PHACTR1: variants seen among roughly 807,000 people sequenced by gnomAD.
PHACTR1 encodes RPEL repeat containing 1.
In PHACTR1, 16 loss-of-function variants were observed where a neutral mutation model predicts 69.2. The ratio of observed to expected loss-of-function variants is 0.23; its 90% CI spans 0.16 to 0.35. PHACTR1 has a LOEUF of 0.35. Ranked by LOEUF, PHACTR1 falls within the 10% of genes least tolerant of loss-of-function variation. PHACTR1 has a pLI of 1.00. For missense variants in PHACTR1, 510 were observed against 734.7 expected (o/e 0.69, Z 3.54); for synonymous variants, 312 against 284.5 (o/e 1.10, Z -0.97).
rs1460051841 is a variant in PHACTR1, at chr6:13,245,094, G to T, written c.1391+14901G>T. Among the ~76,000 whole-genome samples, 1 of 152,212 alleles carries T rather than the reference G, an allele frequency of 6.6e-6. No individual in the cohort carries two copies. The highest frequency in any genetic ancestry group is 2.4e-5 in the African/African-American group (1 of 41,442). Reference sequence around the variant, plus strand: ...CCCTGACTTCCCGCAACAGTATTTAGGTTGATTCCATGTCTTCACTGTGGG... The same window carrying T: ...CCCTGACTTCCCGCAACAGTATTTATGTTGATTCCATGTCTTCACTGTGGG... On this transcript the variant is annotated intron_variant, in intron 10 of 14. Transcript: ENST00000332995. This position sits in a 1 kb window ranked among gnomAD's most constrained non-coding sequence, Gnocchi z 4.1.
intron 4 of PHACTR1, among the ~76,000 whole-genome samples, chr6:12,758,061 G>A (rs1767561388): frequency 2.0e-5 from 3 of 151,630 alleles, no homozygotes; most frequent in South Asian, 2.1e-4. Context: ...ACAGTGAGCC[G>A]AGGTCAAGCC....
chr6:12,846,357 C>T (rs139831269), intron 4 of PHACTR1, among the ~76,000 whole-genome samples: 1 of 152,322 alleles, frequency 6.6e-6, no homozygotes, highest in African/African-American at 2.4e-5. Flanking sequence ...AGATACTTTT[C>T]TTGAGACAAT....
At chr6:12,731,820 A>T (rs2127572828) in intron 3 of PHACTR1, among the ~76,000 whole-genome samples, 1 of 152,302 alleles carries the variant, frequency 6.6e-6, no homozygotes, top group African/African-American at 2.4e-5. Context: ...AATACGAGCA[A>T]AGACATCCAT....
intron 4 of PHACTR1, among the ~76,000 whole-genome samples, chr6:13,045,263 GTTTAA>G (rs1173601628): frequency 1.3e-4 from 20 of 152,162 alleles, no homozygotes; most frequent in African/African-American, 4.8e-4. Flanking sequence ...TCGCTCACAA[GTTTAA>G]TTTGAGGATT....
intron 4 of PHACTR1, among the ~76,000 whole-genome samples, chr6:12,779,117 C>T (rs778473300): frequency 1.3e-5 from 2 of 152,190 alleles, no homozygotes; most frequent in Admixed American, 6.5e-5. Context: ...TGGCGGGTCA[C>T]CTGAGGTCAG....
At chr6:13,150,685 T>G (rs1824169727) in intron 5 of PHACTR1, among the ~76,000 whole-genome samples, 1 of 152,204 alleles carries the variant, frequency 6.6e-6, no homozygotes, top group Admixed American at 6.5e-5. Flanking sequence ...ATTAACTTCC[T>G]TATGACATAA....
chr6:13,023,222 A>G (rs2127672432), intron 4 of PHACTR1, among the ~76,000 whole-genome samples: 1 of 152,256 alleles, frequency 6.6e-6, no homozygotes, highest in Admixed American at 6.5e-5. Context: ...TAAAATGAAA[A>G]TCAGCCTACA....
At chr6:13,101,969 T>C (rs1815236723) in intron 5 of PHACTR1, among the ~76,000 whole-genome samples, 2 of 152,214 alleles carry the variant, frequency 1.3e-5, no homozygotes, top group Admixed American at 1.3e-4. Context: ...CAAGGGTTAA[T>C]ACCACTAGGT....
At chr6:13,047,673 A>C (rs1048478269) in intron 4 of PHACTR1, among the ~76,000 whole-genome samples, 5 of 152,144 alleles carry the variant, frequency 3.3e-5, no homozygotes, top group African/African-American at 9.7e-5. Context: ...CTGGGGTCCC[A>C]AATGGGCTGC....
intron 10 of PHACTR1, among the ~76,000 whole-genome samples, chr6:13,249,269 C>T (rs555565992): frequency 6.6e-6 from 1 of 152,226 alleles, no homozygotes; most frequent in South Asian, 2.1e-4. Flanking sequence ...CAGAACTGTG[C>T]ATGTGAGGGA....
intron 4 of PHACTR1, among the ~76,000 whole-genome samples, chr6:12,910,433 A>G (rs1338990459): frequency 6.6e-6 from 1 of 152,254 alleles, no homozygotes; most frequent in Non-Finnish European, 1.5e-5. Context: ...AACAAAATGC[A>G]TATAGTACTT....
At chr6:13,136,392 C>T (rs1329339032) in intron 5 of PHACTR1, among the ~76,000 whole-genome samples, 7 of 152,230 alleles carry the variant, frequency 4.6e-5, no homozygotes, top group Non-Finnish European at 8.8e-5. Context: ...TCACCTCTCT[C>T]AGCCTTCATA....
intron 12 of PHACTR1, 87 bp downstream of exon 12, chr6:13,278,416 A>G (rs3817735): frequency 0.74 from 906,984 of 1,231,226 alleles, 338,723 homozygotes; most frequent in Non-Finnish European, 0.78. Context: ...CAGTGGCCTC[A>G]CCGCTGCCTG....
At position 12,964,657 on chromosome 6, in the gene PHACTR1, T is replaced by G. The variant is rs560118839; in HGVS notation, c.251-88708T>G. On this transcript the variant is annotated intron_variant, in intron 4 of 14. Transcript: ENST00000332995. ...CAGAAGTGACATGGTCAGAGTTTAA[T>G]CTATGTGTTAGGTGGAGTGAATGGA... 1.3e-3 allele frequency among the ~76,000 whole-genome samples: 197 copies of G among 152,246 alleles called. 1 individual carries two copies. Among genetic ancestry groups the G allele is most frequent in the African/African-American group, 4.5e-3 (188 of 41,544 alleles).
At chr6:13,116,838 C>T (rs1817895130) in intron 5 of PHACTR1, among the ~76,000 whole-genome samples, 1 of 152,090 alleles carries the variant, frequency 6.6e-6, no homozygotes, top group South Asian at 2.1e-4. Context: ...AAGTACATGA[C>T]AATATTATTA....
chr6:12,917,128 A>G (rs1327213665), intron 4 of PHACTR1, among the ~76,000 whole-genome samples: 2 of 152,216 alleles, frequency 1.3e-5, no homozygotes, highest in Non-Finnish European at 2.9e-5. Context: ...TGGATTCTTC[A>G]CTTAATCTTC....
chr6:13,003,642 A>G (rs1391978578), intron 4 of PHACTR1, among the ~76,000 whole-genome samples: 1 of 151,942 alleles, frequency 6.6e-6, no homozygotes, highest in Non-Finnish European at 1.5e-5. Context: ...TTACATGGAT[A>G]TATTATGGAG....
chr6:12,771,826 C>T (rs895839822), intron 4 of PHACTR1, among the ~76,000 whole-genome samples: 2 of 152,156 alleles, frequency 1.3e-5, no homozygotes, highest in African/African-American at 4.8e-5. Flanking sequence ...ATAGGAGCCA[C>T]TACAACTCTG....
chr6:12,980,770 C>G (rs879486333), intron 4 of PHACTR1, among the ~76,000 whole-genome samples: 1 of 152,182 alleles, frequency 6.6e-6, no homozygotes, highest in Admixed American at 6.5e-5. Context: ...AAAGACAGCC[C>G]GGAAGAGATA....
Sources: allele counts gnomAD v4.1 joint callset (sites outside exome capture counted in the v4.1 genomes callset), GRCh38; gene constraint gnomAD v4.1.1; non-coding constraint Gnocchi (gnomAD v3.1); transcripts MANE v1.5; gene names NCBI Gene and HGNC (gene_info 2026-07-23, HGNC 2026-07-21).